GPHN: variants seen among roughly 807,000 people sequenced by gnomAD.
GPHN encodes the protein gephyrin.
Under a neutral mutation model 95.5 loss-of-function variants are expected in GPHN, and 17 were observed. The ratio of observed to expected loss-of-function variants is 0.18; its 90% CI spans 0.12 to 0.27. The LOEUF (loss-of-function observed/expected upper bound fraction) is 0.27. Among genes scored for constraint, GPHN ranks in the 10% least tolerant of loss-of-function variants. GPHN has a pLI of 1.00. For missense variants in GPHN, 660 were observed against 978.1 expected, an observed-to-expected ratio of 0.67 and a Z score of 4.34; for synonymous variants, 320 against 322.5, an observed-to-expected ratio of 0.99 and a Z score of 0.08.
the GPHN span, among the ~76,000 whole-genome samples, chr14:67,604,878 C>T: frequency 2.6e-5 from 4 of 152,226 alleles, no homozygotes; most frequent in Admixed American, 6.5e-5. Context: ...ACCCTTCCCC[C>T]CTAATTGAGA....
At chr14:67,648,189 T>C in the GPHN span, 1 of 1,611,562 alleles carries the variant, frequency 6.2e-7, no homozygotes, top group Non-Finnish European at 8.5e-7. Context: ...TACAGGTATG[T>C]AGCAACCAGG....
At chr14:67,314,643 C>T in the GPHN span, among the ~76,000 whole-genome samples, 1 of 152,148 alleles carries the variant, frequency 6.6e-6, no homozygotes, top group Admixed American at 6.5e-5. Context: ...GAACTTTAGC[C>T]CATAAATGTT....
chr14:67,684,936 A>G, the GPHN span: 489 of 1,185,808 alleles, frequency 4.1e-4, no homozygotes, highest in Non-Finnish European at 7.6e-5. Context: ...GTACTTTTAA[A>G]AAAGGGTATA....
chr14:67,706,293 A>G, the GPHN span: 1 of 152,146 alleles, frequency 6.6e-6, no homozygotes, highest in Non-Finnish European at 1.5e-5. Flanking sequence ...CATTTTCTGG[A>G]TTTTGTGATA....
At chr14:66,985,877 G>T (rs907097694) in intron 9 of GPHN, 6 of 560,082 alleles carry the variant, frequency 1.1e-5, no homozygotes, top group African/African-American at 1.9e-5. Context: ...TTTATTGGCT[G>T]TTGGGTCATA....
chr14:67,496,339 C>T, the GPHN span, among the ~76,000 whole-genome samples: 4,719 of 149,730 alleles, frequency 0.032, 259 homozygotes, highest in East Asian at 0.22. Flanking sequence ...GTGATCCACC[C>T]ATCTTGGCCT....
chr14:67,578,733 C>G, the GPHN span: 2 of 775,054 alleles, frequency 2.6e-6, no homozygotes, highest in Non-Finnish European at 4.5e-6. The surrounding 1 kb of genome is among the most constrained non-coding windows in gnomAD (Gnocchi z 5.0). Context: ...CACTCCTGTC[C>G]TCTGAAACCG....
chr14:67,639,155 A>G, the GPHN span, among the ~76,000 whole-genome samples: 1 of 152,202 alleles, frequency 6.6e-6, no homozygotes, highest in African/African-American at 2.4e-5. Flanking sequence ...AAGATTGCCA[A>G]ATTCTCTTTA....
chr14:67,403,589 C>A, the GPHN span, among the ~76,000 whole-genome samples: 2 of 152,242 alleles, frequency 1.3e-5, no homozygotes, highest in African/African-American at 4.8e-5. Flanking sequence ...GTGTTACAAG[C>A]AACTGAGAAT....
chr14:67,209,322 A>G, the GPHN span, among the ~76,000 whole-genome samples: 1 of 152,180 alleles, frequency 6.6e-6, no homozygotes. Flanking sequence ...GAGAGAGAAT[A>G]GAGAGTGAGA....
At chr14:67,524,784 G>A in the GPHN span, among the ~76,000 whole-genome samples, 1 of 152,194 alleles carries the variant, frequency 6.6e-6, no homozygotes, top group African/African-American at 2.4e-5. Flanking sequence ...TTGCTTTGAA[G>A]AGATAATAGG....
intron 1 of GPHN, among the ~76,000 whole-genome samples, chr14:66,649,049 T>G (rs1226554965): frequency 6.6e-6 from 1 of 152,170 alleles, no homozygotes; most frequent in African/African-American, 2.4e-5. Context: ...AAATCAGGGT[T>G]GGCTGGGTGT....
chr14:66,919,169 G>A (rs1414808846), intron 6 of GPHN, among the ~76,000 whole-genome samples: 1 of 152,110 alleles, frequency 6.6e-6, no homozygotes, highest in Non-Finnish European at 1.5e-5. Flanking sequence ...CTTTATGATG[G>A]TAGTTAGAAC....
chr14:67,602,494 A>C, the GPHN span, among the ~76,000 whole-genome samples: 1 of 152,228 alleles, frequency 6.6e-6, no homozygotes, highest in Non-Finnish European at 1.5e-5. Flanking sequence ...ATTGTGGAAA[A>C]TTTGAAAAAT....
the GPHN span, among the ~76,000 whole-genome samples, chr14:67,718,335 A>T: frequency 6.6e-6 from 1 of 152,332 alleles, no homozygotes; most frequent in South Asian, 2.1e-4. Context: ...AGAGAAGTTT[A>T]CAGTTTTCCC....
At chr14:66,632,300 C>T (rs1403605048) in intron 1 of GPHN, among the ~76,000 whole-genome samples, 1 of 152,086 alleles carries the variant, frequency 6.6e-6, no homozygotes, top group East Asian at 1.9e-4. Flanking sequence ...CACCTTTCTT[C>T]TCTAAACCCT....
At chr14:67,615,527 C>T in the GPHN span, 1 of 445,282 alleles carries the variant, frequency 2.2e-6, no homozygotes, top group East Asian at 5.0e-5. Flanking sequence ...AAAATGCCAT[C>T]GTATGTATTT....
chr14:66,721,811 C>T (rs1355572961), intron 2 of GPHN, among the ~76,000 whole-genome samples: 2 of 151,756 alleles, frequency 1.3e-5, no homozygotes, highest in African/African-American at 4.8e-5. Flanking sequence ...ATTAGCTGGG[C>T]ATGTTAGTGC....
chr14:67,338,841 C>T, the GPHN span: 3 of 1,371,848 alleles, frequency 2.2e-6, no homozygotes, highest in Admixed American at 4.4e-5. Flanking sequence ...AGTTTTGTAA[C>T]AAGGATAATA....
Sources: allele counts gnomAD v4.1 joint callset (sites outside exome capture counted in the v4.1 genomes callset), GRCh38; gene constraint gnomAD v4.1.1; non-coding constraint Gnocchi (gnomAD v3.1); transcripts MANE v1.5; gene names NCBI Gene and HGNC (gene_info 2026-07-23, HGNC 2026-07-21).